Variants in CMTM6 observed in about 807,000 individuals in gnomAD.
The protein encoded by CMTM6 is CKLF-like MARVEL transmembrane domain-containing protein 6.
CMTM6 carries 5 observed loss-of-function variants against 13.6 expected under a neutral mutation model. The observed-to-expected ratio is 0.37, with a 90% confidence interval of 0.19 to 0.77. CMTM6 has a LOEUF of 0.77. CMTM6 is among the 30% of genes least tolerant of loss of function. The pLI is 0.50. For synonymous variants in CMTM6, 99 were observed against 84.5 expected (o/e 1.17, Z -0.94); for missense variants, 196 against 218.6 (o/e 0.90, Z 0.65).
At position 32,502,637 on chromosome 3, in the gene CMTM6, G is replaced by A. The variant is rs758298649; in HGVS notation, c.109C>T (p.Leu37Phe). ...AYFFMGRLPL[L>F]RRVLKGLQLL... ...TGCAAGCCCTTGAGAACGCGCCGGA[G>A]CAATGGGAGCCGGCCCATGAAAAAG... The change falls in exon 1 of 4, where the codon CTC becomes TTC. Residue 37 changes from leucine (L) to phenylalanine (F), a missense_variant. Leu to Phe is a conservative substitution (Grantham distance 22, BLOSUM62 0). Transcript: ENST00000205636. 9 of 1,596,594 alleles carry A rather than the reference G, an allele frequency of 5.6e-6. No individual in the cohort carries two copies. In the African/African-American group the frequency reaches 8.0e-5, roughly 14 times the overall value.
At chr3:32,494,088 T>C (rs1378367165) in intron 1 of CMTM6, among the ~76,000 whole-genome samples, 4 of 152,086 alleles carry the variant, frequency 2.6e-5, no homozygotes, top group African/African-American at 9.7e-5. Context: ...ACCAGTAAGA[T>C]GGGTGGGTCT....
At chr3:32,499,075 G>A (rs1198788327) in intron 1 of CMTM6, among the ~76,000 whole-genome samples, 1 of 152,058 alleles carries the variant, frequency 6.6e-6, no homozygotes, top group Non-Finnish European at 1.5e-5. Flanking sequence ...TAAAAACTTT[G>A]TAGTTATAAG....
At chr3:32,490,537 A>G (rs570041143) in intron 2 of CMTM6, among the ~76,000 whole-genome samples, 1 of 152,196 alleles carries the variant, frequency 6.6e-6, no homozygotes, top group Non-Finnish European at 1.5e-5. Context: ...CTATTTTAGG[A>G]TGGACTAATT....
chr3:32,502,111 C>A (rs1697349890), intron 1 of CMTM6, among the ~76,000 whole-genome samples: 1 of 152,256 alleles, frequency 6.6e-6, no homozygotes, highest in Non-Finnish European at 1.5e-5. Flanking sequence ...ACCGGACACA[C>A]ATACACACAC....
In CMTM6 at chr3:32,481,370, T is replaced by A. The variant is rs1030170698; in HGVS notation, c.*2590A>T. 10 of 146,836 alleles carry A rather than the reference T, an allele frequency of 6.8e-5. No individual in the cohort carries two copies. The highest frequency in any genetic ancestry group is 2.1e-4 in the South Asian group (1 of 4,724). The allele number at this position is 146,836 out of a possible 1,614,324, so 9.1% of individuals were successfully genotyped here. Reference sequence around the variant, plus strand: ...CTATAAAATCTGACATCAAGAGAGATAAAAAAAAAAGACCCATAAGATTTA... The same window carrying A: ...CTATAAAATCTGACATCAAGAGAGAAAAAAAAAAAAGACCCATAAGATTTA... On this transcript the variant is annotated 3_prime_UTR_variant, in exon 4 of 4. Coordinates refer to ENST00000205636, the MANE Select transcript of CMTM6 (RefSeq NM_017801.3).
intron 1 of CMTM6, among the ~76,000 whole-genome samples, chr3:32,498,615 T>C (rs1231877552): frequency 6.6e-6 from 1 of 150,920 alleles, no homozygotes. Flanking sequence ...TTTTTTTTTT[T>C]CTGAGATGGA....
chr3:32,488,938 T>C (rs572568974), intron 2 of CMTM6, among the ~76,000 whole-genome samples: 1 of 152,316 alleles, frequency 6.6e-6, no homozygotes, highest in South Asian at 2.1e-4. Context: ...CTGATACTTT[T>C]TGAGTTTTCT....
intron 1 of CMTM6, among the ~76,000 whole-genome samples, chr3:32,498,209 G>A (rs17029614): frequency 0.068 from 10,394 of 152,156 alleles, 379 homozygotes; most frequent in Middle Eastern, 0.082. Context: ...GGCCCTTAGC[G>A]GATATAGTCT....
intron 1 of CMTM6, among the ~76,000 whole-genome samples, chr3:32,497,083 T>C (rs1697299353): frequency 6.6e-6 from 1 of 151,928 alleles, no homozygotes; most frequent in South Asian, 2.1e-4. Context: ...GAAGTGTTTT[T>C]AAAAAAAGAA....
chr3:32,484,112 G>A lies in CMTM6; in HGVS notation c.415-15C>T. On this transcript the variant is annotated splice_polypyrimidine_tract_variant and intron_variant, in intron 3 of 3. Transcript: ENST00000205636. Reference sequence around the variant, plus strand: ...AATCCAAACACCTGAGGAAAAAAAGGAGGAAAGGTTATATGAGAATTTTGG... The same window carrying A: ...AATCCAAACACCTGAGGAAAAAAAGAAGGAAAGGTTATATGAGAATTTTGG... 4 of 1,564,658 alleles carry A rather than the reference G, an allele frequency of 2.6e-6. No homozygotes were observed. The highest frequency in any genetic ancestry group is 2.3e-5 in the East Asian group (1 of 43,344).
intron 1 of CMTM6, among the ~76,000 whole-genome samples, chr3:32,501,033 CA>C (rs36111581): frequency 0.045 from 5,605 of 124,914 alleles, 141 homozygotes; most frequent in African/African-American, 0.073. Context: ...CCGTCTCTAC[CA>C]AAAAAAAAAA....
chr3:32,485,808 TTTGAG>T (rs1472972209), intron 3 of CMTM6, among the ~76,000 whole-genome samples: 1 of 152,222 alleles, frequency 6.6e-6, no homozygotes, highest in Non-Finnish European at 1.5e-5. Context: ...CTGAACTCCT[TTTGAG>T]TTTTCTATCA....
At position 32,483,003 on chromosome 3, in the gene CMTM6, A is replaced by G. The variant is rs1008450841; in HGVS notation, c.*957T>C. The G allele has an allele frequency of 1.3e-5, 2 of 152,634 alleles. No homozygotes were observed. The highest frequency in any genetic ancestry group is 1.3e-4 in the Admixed American group (2 of 15,286). 9.5% of individuals were successfully genotyped at this position (152,634 alleles called of 1,614,324 possible). On this transcript the variant is annotated 3_prime_UTR_variant, in exon 4 of 4. Transcript: ENST00000205636. ...AAAAAAACAGATTGGCTTCAAAGAA[A>G]ACACTAAGGAAGACCCACAGAGCTG...
In CMTM6 at chr3:32,483,985, G is replaced by GCCA; in HGVS notation, c.526_527insTGG (p.Glu175_Ala176insVal). On this transcript the variant is annotated inframe_insertion, in exon 4 of 4. Coordinates refer to ENST00000205636, the MANE Select transcript of CMTM6 (RefSeq NM_017801.3). The stretch of plus-strand genomic sequence containing the variant: ...TTAGGCATTAAGTGGCTCAGTGAGG[G>GCCA]CTTCAGCCCTAGTGGTATTTTCAGG... 1.2e-6 allele frequency: 2 copies of GCCA among 1,608,628 alleles called. No individual in the cohort carries two copies. Among genetic ancestry groups the GCCA allele is most frequent in the Non-Finnish European group, 8.5e-7 (1 of 1,178,212 alleles).
At chr3:32,485,930 T>A (rs775133228) in intron 3 of CMTM6, among the ~76,000 whole-genome samples, 2 of 152,206 alleles carry the variant, frequency 1.3e-5, no homozygotes, top group African/African-American at 2.4e-5. Context: ...TACACTGGAG[T>A]GCAGTGGCAC....
Position 32,487,928 on chromosome 3 carries a change from AG to A in CMTM6, c.414+9del, listed in dbSNP as rs749055361. On this transcript the variant is annotated intron_variant, in intron 3 of 3. Coordinates refer to ENST00000205636, the MANE Select transcript of CMTM6 (RefSeq NM_017801.3). ...AAAAATAAGCAATGTTAAAAATACA[AG>A]GTACTTACAATTGCAGCAATCTCAG... 1 of 1,581,314 alleles carries A rather than the reference AG, an allele frequency of 6.3e-7. No individual in the cohort carries two copies. Among genetic ancestry groups the A allele is most frequent in the East Asian group, 2.2e-5 (1 of 44,630 alleles).
chr3:32,496,762 AT>A (rs1697295741), intron 1 of CMTM6, among the ~76,000 whole-genome samples: 2 of 152,202 alleles, frequency 1.3e-5, no homozygotes, highest in South Asian at 2.1e-4. Context: ...GGACATTCTA[AT>A]TCTAGGTGGA....
intron 3 of CMTM6, among the ~76,000 whole-genome samples, chr3:32,486,799 T>TC (rs1399959711): frequency 6.6e-6 from 1 of 152,114 alleles, no homozygotes; most frequent in African/African-American, 2.4e-5. Flanking sequence ...TGGGGCAGAC[T>TC]CCCCCTCTGG....
chr3:32,495,884 A>G (rs1697285572), intron 1 of CMTM6, among the ~76,000 whole-genome samples: 1 of 152,204 alleles, frequency 6.6e-6, no homozygotes, highest in Non-Finnish European at 1.5e-5. Flanking sequence ...AGAATCAAGG[A>G]GTACAATATT....
Sources: gnomAD v4.1 joint callset for allele counts (sites outside exome capture counted in the v4.1 genomes callset) on GRCh38, gnomAD v4.1.1 for gene constraint, MANE v1.5 for transcripts, NCBI Gene and HGNC (gene_info 2026-07-23, HGNC 2026-07-21) for gene names.